Variants in C1GALT1 observed in about 807,000 individuals in gnomAD.
The protein encoded by C1GALT1 is glycoprotein-N-acetylgalactosamine 3-beta-galactosyltransferase 1.
In C1GALT1, 11 loss-of-function variants were observed where a neutral mutation model predicts 31.0. The observed-to-expected ratio is 0.36, with a 90% CI of 0.22 to 0.59. The LOEUF (loss-of-function observed/expected upper bound fraction) is 0.59. Ranked by LOEUF, C1GALT1 falls within the 20% of genes least tolerant of loss-of-function variation. C1GALT1 has a pLI of 0.79. For missense variants in C1GALT1, 424 were observed against 425.2 expected (o/e 1.00, Z 0.03); for synonymous variants, 175 against 143.6 (o/e 1.22, Z -1.56).
intron 1 of C1GALT1, among the ~76,000 whole-genome samples, chr7:7,192,359 T>A (rs1409092920): frequency 6.6e-6 from 1 of 152,140 alleles, no homozygotes; most frequent in Non-Finnish European, 1.5e-5. Flanking sequence ...TCCTCATAGC[T>A]TAGTTCCCAT....
At chr7:7,221,439 T>G (rs1374193012) in intron 1 of C1GALT1, among the ~76,000 whole-genome samples, 2 of 152,196 alleles carry the variant, frequency 1.3e-5, no homozygotes, top group Non-Finnish European at 2.9e-5. Context: ...AGTTTTCATC[T>G]CATTGCATAA....
chr7:7,160,918 A>C (rs1325023513), intron 2 of C1GALT1, among the ~76,000 whole-genome samples: 3 of 152,148 alleles, frequency 2.0e-5, no homozygotes, highest in African/African-American at 7.2e-5. Context: ...ACTAATCAGC[A>C]GAAGTAATGA....
intron 1 of C1GALT1, among the ~76,000 whole-genome samples, chr7:7,218,743 G>T (rs1259957106): frequency 6.6e-6 from 1 of 152,142 alleles, no homozygotes; most frequent in African/African-American, 2.4e-5. Flanking sequence ...TTAACATTTG[G>T]AAAGGTCCAT....
intron 1 of C1GALT1, among the ~76,000 whole-genome samples, chr7:7,217,412 G>A (rs1782297091): frequency 6.6e-6 from 1 of 152,006 alleles, no homozygotes; most frequent in Admixed American, 6.5e-5. Context: ...CACCCAGGCT[G>A]CAGTGTAGTG....
intron 1 of C1GALT1, among the ~76,000 whole-genome samples, chr7:7,205,967 T>C (rs932750639): frequency 6.6e-6 from 1 of 152,226 alleles, no homozygotes; most frequent in Non-Finnish European, 1.5e-5. Flanking sequence ...TATTTTGTCC[T>C]TATTTCCTGC....
At chr7:7,243,496 A>G (rs1783717679) in intron 3 of C1GALT1, 28 bp from the exon 4 acceptor site, 1 of 1,537,108 alleles carries the variant, frequency 6.5e-7, no homozygotes, top group Admixed American at 2.0e-5. Flanking sequence ...CTGTTTATTA[A>G]CAATACCTGT....
intron 1 of C1GALT1, among the ~76,000 whole-genome samples, chr7:7,212,769 C>G (rs1475420859): frequency 6.6e-6 from 1 of 151,842 alleles, no homozygotes; most frequent in Non-Finnish European, 1.5e-5. Context: ...AGAGTACATT[C>G]ACAAGGGAGG....
chr7:7,160,626 A>C (rs1780324225), intron 2 of C1GALT1, among the ~76,000 whole-genome samples: 1 of 152,140 alleles, frequency 6.6e-6, no homozygotes, highest in Admixed American at 6.6e-5. Flanking sequence ...AAGAGAAGTC[A>C]AGTTCAGTTC....
rs1206447155 is a variant in C1GALT1, at chr7:7,244,377, TTGATTC to T, written c.*652_*657del. The T allele has an allele frequency of 6.6e-6, 1 of 152,188 alleles. No individual in the cohort carries two copies. The highest frequency in any genetic ancestry group is 2.4e-5 in the African/African-American group (1 of 41,452). 9.4% of individuals were successfully genotyped at this position (152,188 alleles called of 1,614,324 possible). ...CATGGGCCTTGACTATATTATATAC[TTGATTC>T]TAATTAGTCATCTTTTACGCAATCT... On this transcript the variant is annotated 3_prime_UTR_variant, in exon 4 of 4. Coordinates refer to ENST00000436587, the MANE Select transcript of C1GALT1 (RefSeq NM_020156.5).
At chr7:7,160,865 C>T (rs551197547) in intron 2 of C1GALT1, among the ~76,000 whole-genome samples, 28 of 152,086 alleles carry the variant, frequency 1.8e-4, no homozygotes, top group South Asian at 1.0e-3. Context: ...GGACTTGGAA[C>T]TATAGCTGAA....
Position 7,243,752 on chromosome 7 carries a change from T to C in C1GALT1, c.*25T>C. 1 of 1,530,546 alleles carries C rather than the reference T, an allele frequency of 6.5e-7. No homozygotes were observed. The highest frequency in any genetic ancestry group is 8.9e-7 in the Non-Finnish European group (1 of 1,120,578). 94.8% of individuals were successfully genotyped at this position (1,530,546 alleles called of 1,614,324 possible). On this transcript the variant is annotated 3_prime_UTR_variant, in exon 4 of 4. Transcript: ENST00000436587. ...AAAGAAAATCATGAATGAACAAAGG[T>C]AATATGTCTAGCACTGCACTGAAAA...
chr7:7,227,583 A>G (rs1047145030), intron 1 of C1GALT1, among the ~76,000 whole-genome samples: 8 of 151,412 alleles, frequency 5.3e-5, no homozygotes, highest in East Asian at 1.9e-4. Context: ...AGCCGGGCGT[A>G]GTGGCGGGCG....
At chr7:7,221,188 T>G (rs1782495817) in intron 1 of C1GALT1, among the ~76,000 whole-genome samples, 1 of 123,634 alleles carries the variant, frequency 8.1e-6, no homozygotes, top group South Asian at 2.2e-4. Context: ...GTTTTCACAG[T>G]TTTTTTTCTT....
rs1336452191 is a variant in C1GALT1 at position 7,247,634 on chromosome 7, T to C, written c.*3907T>C. The C allele has an allele frequency of 6.6e-6, 1 of 152,148 alleles. No homozygotes were observed. The highest frequency in any genetic ancestry group is 1.5e-5 in the Non-Finnish European group (1 of 67,966). 9.4% of individuals were successfully genotyped at this position (152,148 alleles called of 1,614,324 possible). ...ATGCACTGTACTTGAAAGAATCCCT[T>C]GATTAAATTACATCTAGCATTTTAT... is the stretch of plus-strand genomic sequence containing the variant. On this transcript the variant is annotated 3_prime_UTR_variant, in exon 4 of 4. Coordinates refer to ENST00000436587, the MANE Select transcript of C1GALT1 (RefSeq NM_020156.5).
chr7:7,239,731 T>C (rs1783535045), intron 3 of C1GALT1, among the ~76,000 whole-genome samples: 1 of 147,724 alleles, frequency 6.8e-6, no homozygotes, highest in South Asian at 2.3e-4. Context: ...GAATATACAT[T>C]GTACTTATCC....
intron 1 of C1GALT1, among the ~76,000 whole-genome samples, chr7:7,200,783 C>A (rs1024299216): frequency 6.6e-6 from 1 of 152,206 alleles, no homozygotes; most frequent in African/African-American, 2.4e-5. Context: ...TCCACCTGAT[C>A]AATTCGGCTA....
At chr7:7,160,740 A>C (rs571731882) in intron 2 of C1GALT1, among the ~76,000 whole-genome samples, 33 of 152,230 alleles carry the variant, frequency 2.2e-4, no homozygotes, top group African/African-American at 7.5e-4. Context: ...TACATGTCCA[A>C]AGGTATGAAG....
chr7:7,233,204 G>A (rs1384128499), intron 1 of C1GALT1, among the ~76,000 whole-genome samples: 2 of 152,012 alleles, frequency 1.3e-5, no homozygotes, highest in South Asian at 4.2e-4. Context: ...ACTTAATCTC[G>A]TTAATATTAT....
rs1583820164 is a variant in C1GALT1, at chr7:7,229,119, C to G, written c.-17-5184C>G. ...CTCTTCTCAGTCACAGTGCTTTCTGCCTAAGTGGTACTGAATGGCATTGTG... is the reference window on the plus strand; with the variant it reads ...CTCTTCTCAGTCACAGTGCTTTCTGGCTAAGTGGTACTGAATGGCATTGTG... On this transcript the variant is annotated intron_variant, in intron 1 of 3. Transcript: ENST00000436587. Among the ~76,000 whole-genome samples the G allele has an allele frequency of 3.3e-5, 5 of 152,290 alleles. No homozygotes were observed. The South Asian group carries it at 6.2e-4, about 19-fold the overall frequency.
Sources: allele counts gnomAD v4.1 joint callset (sites outside exome capture counted in the v4.1 genomes callset), GRCh38; gene constraint gnomAD v4.1.1; transcripts MANE v1.5; gene names NCBI Gene and HGNC (gene_info 2026-07-23, HGNC 2026-07-21).